The following FAM178B variants were observed in gnomAD, a reference collection of about 807,000 sequenced individuals.
FAM178B encodes the protein family with sequence similarity 178 member B, also known as protein FAM178B.
In FAM178B, 82 loss-of-function variants were observed where a neutral mutation model predicts 91.7. The observed-to-expected ratio is 0.89, with a 90% CI of 0.75 to 1.07. FAM178B has a LOEUF of 1.07. FAM178B is among the 50% of genes least tolerant of loss of function. FAM178B has a pLI of 0.00. For missense variants in FAM178B, 769 were observed against 846.7 expected (o/e 0.91, Z 1.14); for synonymous variants, 368 against 359.4 (o/e 1.02, Z -0.27).
chr2:96,958,697 T>TAAAAAAAAAAAAAAAAAAAAAA (rs55924441), intron 6 of FAM178B, among the ~76,000 whole-genome samples: 1 of 55,500 alleles, frequency 1.8e-5, no homozygotes, highest in South Asian at 1.7e-3. Flanking sequence ...CTCAAAATAC[T>TAAAAAAAAAAAAAAAAAAAAAA]AAAAAAAAAA....
intron 6 of FAM178B, among the ~76,000 whole-genome samples, chr2:96,958,056 A>C (rs532460404): frequency 6.9e-6 from 1 of 145,272 alleles, no homozygotes; most frequent in Non-Finnish European, 1.5e-5. Context: ...TCAGATTCTG[A>C]TTTGAAGAAT....
At chr2:96,877,180 G>A (rs2080263682) in intron 16 of FAM178B, among the ~76,000 whole-genome samples, 1 of 152,156 alleles carries the variant, frequency 6.6e-6, no homozygotes, top group Non-Finnish European at 1.5e-5. Context: ...GGGTGTAGTG[G>A]AGAGGACCAG....
intron 13 of FAM178B, among the ~76,000 whole-genome samples, chr2:96,901,439 G>A (rs1197373537): frequency 6.6e-6 from 1 of 152,148 alleles, no homozygotes; most frequent in Admixed American, 6.5e-5. Flanking sequence ...CTCCCAAAGT[G>A]CTGGGATTAC....
At chr2:96,900,094 C>T (rs1259955756) in intron 13 of FAM178B, among the ~76,000 whole-genome samples, 1 of 152,114 alleles carries the variant, frequency 6.6e-6, no homozygotes, top group African/African-American at 2.4e-5. Flanking sequence ...AAATGCCAAG[C>T]CTTGAACTGG....
chr2:96,882,319 C>T (rs571465880), intron 14 of FAM178B, among the ~76,000 whole-genome samples: 3 of 152,348 alleles, frequency 2.0e-5, no homozygotes, highest in South Asian at 2.1e-4. Context: ...TGTGGACACC[C>T]GATTCGCCCA....
intron 14 of FAM178B, among the ~76,000 whole-genome samples, chr2:96,889,673 GT>G (rs1164111444): frequency 8.1e-6 from 1 of 122,808 alleles, no homozygotes; most frequent in Non-Finnish European, 1.7e-5. Flanking sequence ...GCAAGACTCT[GT>G]CTCAAATAAA....
chr2:96,920,771 G>A (rs911555759), intron 12 of FAM178B, among the ~76,000 whole-genome samples: 1 of 151,046 alleles, frequency 6.6e-6, no homozygotes, highest in African/African-American at 2.5e-5. Context: ...TTCTGGCATG[G>A]GTAAATGCTA....
At chr2:96,912,800 C>T (rs2081181037) in intron 12 of FAM178B, among the ~76,000 whole-genome samples, 1 of 152,196 alleles carries the variant, frequency 6.6e-6, no homozygotes, top group Non-Finnish European at 1.5e-5. Context: ...AGGTTTGGTG[C>T]CCTTCTGAAA....
At chr2:96,930,263 CAG>C (rs934078041) in intron 8 of FAM178B, among the ~76,000 whole-genome samples, 1 of 123,828 alleles carries the variant, frequency 8.1e-6, no homozygotes, top group African/African-American at 3.4e-5. Flanking sequence ...CGTCAGCAAA[CAG>C]GGAGAACCTT....
At position 96,909,242 on chromosome 2, in the gene FAM178B, C is replaced by T. The variant is rs539922506; in HGVS notation, c.1563-6535G>A. Among the ~76,000 whole-genome samples the T allele has an allele frequency of 9.9e-5, 15 of 152,264 alleles. No individual in the cohort carries two copies. In the South Asian group the frequency reaches 2.9e-3, roughly 29 times the overall value. On this transcript the variant is annotated intron_variant, in intron 12 of 16. Transcript: ENST00000490605. ...TCCATTTTAATTCTCTTTGCCACAC[C>T]CCCAATAAGTGTTCACTTCAGCAAA...
At chr2:96,947,749 A>G (rs567728563) in intron 8 of FAM178B, 69 bp downstream of exon 8, 4 of 892,384 alleles carry the variant, frequency 4.5e-6, no homozygotes, top group Non-Finnish European at 5.4e-6. Context: ...GGCTCTGGGC[A>G]CTGAGAGTCA....
chr2:96,882,893 C>T (rs930876105), intron 14 of FAM178B, among the ~76,000 whole-genome samples: 2 of 152,238 alleles, frequency 1.3e-5, no homozygotes, highest in African/African-American at 4.8e-5. Flanking sequence ...CAGTCAACAT[C>T]ATGGGGAAAG....
chr2:96,891,619 T>C (rs927664619), intron 14 of FAM178B, among the ~76,000 whole-genome samples: 1 of 152,180 alleles, frequency 6.6e-6, no homozygotes, highest in African/African-American at 2.4e-5. Flanking sequence ...CAACTTTACT[T>C]GCCAAGGGAT....
intron 6 of FAM178B, among the ~76,000 whole-genome samples, chr2:96,955,306 C>T (rs1304248143): frequency 8.5e-5 from 13 of 152,070 alleles, no homozygotes. Flanking sequence ...GTCAGGAGAT[C>T]GAGACCATCC....
chr2:96,950,967 C>T (rs954384776), intron 7 of FAM178B, among the ~76,000 whole-genome samples: 7 of 152,114 alleles, frequency 4.6e-5, no homozygotes, highest in African/African-American at 1.4e-4. Flanking sequence ...GACCTGTGAT[C>T]GCTGGTGAAG....
chr2:96,922,462 G>A (rs1264071513), intron 10 of FAM178B, among the ~76,000 whole-genome samples: 1 of 152,146 alleles, frequency 6.6e-6, no homozygotes, highest in Non-Finnish European at 1.5e-5. Flanking sequence ...CAATTCTCCT[G>A]CCTCAGCTTC....
At chr2:96,965,834 T>C (rs903668490) in intron 5 of FAM178B, among the ~76,000 whole-genome samples, 1 of 152,144 alleles carries the variant, frequency 6.6e-6, no homozygotes, top group African/African-American at 2.4e-5. Flanking sequence ...GGGGTCCCTT[T>C]TGAGTCCTCT....
chr2:96,948,954 C>G (rs957704360), intron 7 of FAM178B, among the ~76,000 whole-genome samples: 4 of 152,230 alleles, frequency 2.6e-5, no homozygotes, highest in South Asian at 2.1e-4. Context: ...ACGCCCCCCC[C>G]AGTAAGCCTG....
chr2:96,938,168 C>T (rs2081664555), intron 8 of FAM178B, among the ~76,000 whole-genome samples: 1 of 152,188 alleles, frequency 6.6e-6, no homozygotes, highest in Admixed American at 6.5e-5. Flanking sequence ...ACCTCTCCTG[C>T]AAGAGGTCTG....
Sources: gnomAD v4.1 joint callset for allele counts (sites outside exome capture counted in the v4.1 genomes callset) on GRCh38, gnomAD v4.1.1 for gene constraint, MANE v1.5 for transcripts, NCBI Gene and HGNC (gene_info 2026-07-23, HGNC 2026-07-21) for gene names.